Variants in PLCB1 observed in about 807,000 individuals in gnomAD.
The protein encoded by PLCB1 is 1-phosphatidylinositol 4,5-bisphosphate phosphodiesterase beta-1.
In PLCB1, 46 loss-of-function variants were observed where a neutral mutation model predicts 161.8. That is an observed-to-expected ratio of 0.28 (90% CI 0.22 to 0.36). The LOEUF (loss-of-function observed/expected upper bound fraction) is 0.36. Ranked by LOEUF, PLCB1 falls within the 10% of genes least tolerant of loss-of-function variation. The pLI is 1.00. For missense variants in PLCB1, 1,016 were observed against 1,472.5 expected, an observed-to-expected ratio of 0.69 and a Z score of 5.07; for synonymous variants, 517 against 503.7, an observed-to-expected ratio of 1.03 and a Z score of -0.35.
chr20:8,566,322 G>A (rs906479009), intron 3 of PLCB1, among the ~76,000 whole-genome samples: 2 of 152,012 alleles, frequency 1.3e-5, no homozygotes, highest in African/African-American at 4.8e-5. Flanking sequence ...AGTTTCTATC[G>A]GGTTTTCAGC....
At chr20:8,783,062 C>T (rs1983316725) in intron 27 of PLCB1, among the ~76,000 whole-genome samples, 1 of 152,164 alleles carries the variant, frequency 6.6e-6, no homozygotes, top group Non-Finnish European at 1.5e-5. Flanking sequence ...TTCCCCAGGG[C>T]CTTTCTGTTA....
intron 12 of PLCB1, among the ~76,000 whole-genome samples, chr20:8,710,640 G>A (rs550172410): frequency 1.3e-5 from 2 of 149,846 alleles, no homozygotes; most frequent in South Asian, 2.2e-4. Context: ...TCAGCCTTCC[G>A]AGTAGCTGGG....
At chr20:8,135,619 C>A (rs1333170281) in intron 1 of PLCB1, among the ~76,000 whole-genome samples, 1 of 152,224 alleles carries the variant, frequency 6.6e-6, no homozygotes, top group Middle Eastern at 3.4e-3. Context: ...TCCCCAGGGT[C>A]TGTGGATGGG....
At chr20:8,212,587 A>C (rs1484331719) in intron 2 of PLCB1, among the ~76,000 whole-genome samples, 1 of 152,116 alleles carries the variant, frequency 6.6e-6, no homozygotes, top group African/African-American at 2.4e-5. Flanking sequence ...TTATAATTTT[A>C]AAAGCAATAT....
At chr20:8,494,637 A>G (rs1354175536) in intron 3 of PLCB1, among the ~76,000 whole-genome samples, 1 of 152,094 alleles carries the variant, frequency 6.6e-6, no homozygotes, top group Non-Finnish European at 1.5e-5. Context: ...GTGTCAGAAT[A>G]TTTGCTTTGT....
intron 3 of PLCB1, among the ~76,000 whole-genome samples, chr20:8,510,035 G>C (rs1392283088): frequency 6.6e-6 from 1 of 152,118 alleles, no homozygotes; most frequent in Non-Finnish European, 1.5e-5. Context: ...TATAATTTAT[G>C]ACCAACAGTG....
At chr20:8,487,345 A>G (rs193164987) in intron 3 of PLCB1, among the ~76,000 whole-genome samples, 202 of 152,336 alleles carry the variant, frequency 1.3e-3, no homozygotes, top group African/African-American at 4.6e-3. Context: ...TATTTTGGCC[A>G]TACTTGGTTG....
intron 3 of PLCB1, among the ~76,000 whole-genome samples, chr20:8,520,154 G>A (rs1984294225): frequency 6.6e-6 from 1 of 152,116 alleles, no homozygotes; most frequent in African/African-American, 2.4e-5. Flanking sequence ...AACTGTTAGT[G>A]GTTCTTCCTA....
Position 8,132,872 on chromosome 20 carries a change from T to A in PLCB1, c.99+122T>A, listed in dbSNP as rs2051307275. ...GCACTGGGAGCGGGCAGGGGCAGCCTCGGGCGCACAGGTTGGCATCTGCCA... is the reference window on the plus strand; with the variant it reads ...GCACTGGGAGCGGGCAGGGGCAGCCACGGGCGCACAGGTTGGCATCTGCCA... On this transcript the variant is annotated intron_variant, in intron 1 of 31. Coordinates refer to ENST00000338037, the MANE Select transcript of PLCB1 (RefSeq NM_015192.4). The surrounding 1 kb of genome is among the most constrained non-coding windows in gnomAD (Gnocchi z 5.2). 4 of 692,644 alleles carry A rather than the reference T, an allele frequency of 5.8e-6. No individual in the cohort carries two copies. Among genetic ancestry groups the A allele is most frequent in the Non-Finnish European group, 7.6e-6 (3 of 393,364 alleles). 42.9% of individuals were successfully genotyped at this position (692,644 alleles called of 1,614,324 possible). A position where few individuals can be genotyped will look rare whatever the true frequency, so the allele number is the denominator to read the frequency against.
In PLCB1 at chr20:8,657,236, T is replaced by C; in HGVS notation, c.647T>C (p.Leu216Pro). The C allele has an allele frequency of 6.2e-7, 1 of 1,610,710 alleles. No homozygotes were observed. Among genetic ancestry groups the C allele is most frequent in the Non-Finnish European group, 8.5e-7 (1 of 1,177,094 alleles). ...ACTCCAGAAGTGTACAGAGTTTTCCTCAACAACCTTTGCCCTCGACCTGAA... is the reference window on the plus strand; with the variant it reads ...ACTCCAGAAGTGTACAGAGTTTTCCCCAACAACCTTTGCCCTCGACCTGAA... ...DFTPEVYRVFLNNLCPRPEID... is the reference protein window; with the variant it reads ...DFTPEVYRVFPNNLCPRPEID... The change falls in exon 8 of 32, where the codon CTC becomes CCC. Residue 216 changes from leucine (L) to proline (P), a missense_variant. This residue lies in a region of PLCB1 where 117 missense variants were observed against 142.2 expected (regional missense o/e 0.82). Transcript: ENST00000338037.
chr20:8,190,278 A>G (rs1457127512), intron 2 of PLCB1, among the ~76,000 whole-genome samples: 1 of 152,072 alleles, frequency 6.6e-6, no homozygotes, highest in Non-Finnish European at 1.5e-5. Context: ...GGATGTACGA[A>G]CCACCTGAAA....
chr20:8,845,701 A>G (rs780189174), intron 31 of PLCB1, among the ~76,000 whole-genome samples: 11 of 152,198 alleles, frequency 7.2e-5, no homozygotes, highest in Non-Finnish European at 1.3e-4. Flanking sequence ...TGAATCACAG[A>G]TGAAGATTTT....
intron 31 of PLCB1, among the ~76,000 whole-genome samples, chr20:8,864,617 G>A (rs1347915924): frequency 6.6e-6 from 1 of 152,184 alleles, no homozygotes; most frequent in Non-Finnish European, 1.5e-5. Flanking sequence ...TAGAGAATGA[G>A]CCATGAATCA....
chr20:8,681,203 C>T (rs1426616059), intron 9 of PLCB1, among the ~76,000 whole-genome samples: 1 of 149,866 alleles, frequency 6.7e-6, no homozygotes, highest in Non-Finnish European at 1.5e-5. Context: ...GATACACATT[C>T]TTTGCATGTT....
chr20:8,585,574 G>A lies in PLCB1; in HGVS notation c.247-42720G>A, dbSNP rs190517581. The stretch of plus-strand genomic sequence containing the variant: ...TTCATGTCTCCCTGTCTTTGATCAC[G>A]TTATTAACTCTTTTTAGAATATATC... On this transcript the variant is annotated intron_variant, in intron 3 of 31. Transcript: ENST00000338037. Among the ~76,000 whole-genome samples, 209 of 152,230 alleles carry A rather than the reference G, an allele frequency of 1.4e-3. 1 individual carries two copies. The highest frequency in any genetic ancestry group is 6.8e-3 in the Middle Eastern group (2 of 294).
intron 2 of PLCB1, among the ~76,000 whole-genome samples, chr20:8,173,713 A>G (rs2051755130): frequency 6.6e-6 from 1 of 152,240 alleles, no homozygotes; most frequent in South Asian, 2.1e-4. Flanking sequence ...TAAAGCAGCC[A>G]CCATAAAAAA....
At chr20:8,532,265 G>T (rs1282768288) in intron 3 of PLCB1, among the ~76,000 whole-genome samples, 1 of 152,156 alleles carries the variant, frequency 6.6e-6, no homozygotes, top group Non-Finnish European at 1.5e-5. Context: ...AGATCCTTCA[G>T]CAAGAAAGCT....
At chr20:8,564,906 A>T (rs967612765) in intron 3 of PLCB1, among the ~76,000 whole-genome samples, 12 of 152,224 alleles carry the variant, frequency 7.9e-5, no homozygotes, top group African/African-American at 2.9e-4. Flanking sequence ...AAATTAGTTC[A>T]ACCATTGTGG....
chr20:8,764,548 G>A (rs1205520365), intron 25 of PLCB1, among the ~76,000 whole-genome samples: 1 of 152,208 alleles, frequency 6.6e-6, no homozygotes, highest in Non-Finnish European at 1.5e-5. Context: ...TCTCCTGGCT[G>A]GTGGTGAGGG....
Sources: gnomAD v4.1 joint callset for allele counts (sites outside exome capture counted in the v4.1 genomes callset) on GRCh38, gnomAD v4.1.1 for gene constraint, gnomAD v4.1.1 regional missense constraint, Gnocchi (gnomAD v3.1) non-coding constraint, MANE v1.5 for transcripts, NCBI Gene and HGNC (gene_info 2026-07-23, HGNC 2026-07-21) for gene names.